Variants in ADIPOR2 observed in about 807,000 individuals in gnomAD.
The protein encoded by ADIPOR2 is adiponectin receptor 2.
ADIPOR2 carries 18 observed loss-of-function variants against 40.9 expected under a neutral mutation model. The ratio of observed to expected loss-of-function variants is 0.44; its 90% CI spans 0.30 to 0.65. The LOEUF is 0.65. Ranked by LOEUF, ADIPOR2 falls within the 30% of genes least tolerant of loss-of-function variation. The pLI is 0.09. For missense variants in ADIPOR2, 283 were observed against 479.2 expected (o/e 0.59, Z 3.82); for synonymous variants, 165 against 166.4 (o/e 0.99, Z 0.06).
intron 1 of ADIPOR2, among the ~76,000 whole-genome samples, chr12:1,726,870 C>T (rs747704107): frequency 1.3e-5 from 2 of 152,162 alleles, no homozygotes; most frequent in Non-Finnish European, 2.9e-5. Context: ...GAATTTGCTT[C>T]CCTTCTTTAT....
At chr12:1,775,501 T>G (rs984387069) in intron 3 of ADIPOR2, among the ~76,000 whole-genome samples, 1 of 152,200 alleles carries the variant, frequency 6.6e-6, no homozygotes, top group Non-Finnish European at 1.5e-5. Context: ...ATATAACCAA[T>G]AAGAAACTCA....
At chr12:1,694,212 G>A (rs920912497) in intron 1 of ADIPOR2, among the ~76,000 whole-genome samples, 1 of 152,222 alleles carries the variant, frequency 6.6e-6, no homozygotes, top group African/African-American at 2.4e-5. Context: ...GCTAGGATTT[G>A]ATTTCATGCA....
chr12:1,757,755 C>T (rs1862170863), intron 2 of ADIPOR2: 1 of 1,171,362 alleles, frequency 8.5e-7, no homozygotes. Flanking sequence ...TGATGACATC[C>T]ATGAATCCAG....
chr12:1,711,284 A>G (rs1485180915), intron 1 of ADIPOR2, among the ~76,000 whole-genome samples: 2 of 152,170 alleles, frequency 1.3e-5, no homozygotes, highest in Non-Finnish European at 2.9e-5. Context: ...ATAATGAAGT[A>G]GATAAATCTG....
intron 1 of ADIPOR2, among the ~76,000 whole-genome samples, chr12:1,705,680 G>C (rs1224867593): frequency 6.6e-6 from 1 of 152,150 alleles, no homozygotes; most frequent in Non-Finnish European, 1.5e-5. Flanking sequence ...AAAAACAATA[G>C]TCATTATTAT....
chr12:1,735,978 G>C (rs968718112), intron 1 of ADIPOR2, among the ~76,000 whole-genome samples: 2 of 152,192 alleles, frequency 1.3e-5, no homozygotes, highest in African/African-American at 2.4e-5. Flanking sequence ...TTTTTGATGT[G>C]CTGCTGGATT....
chr12:1,712,078 A>G (rs2082096740), intron 1 of ADIPOR2, among the ~76,000 whole-genome samples: 1 of 152,102 alleles, frequency 6.6e-6, no homozygotes, highest in Admixed American at 6.5e-5. Flanking sequence ...TTACATCACT[A>G]ACTATGGCAT....
At chr12:1,784,204 G>C in intron 7 of ADIPOR2, 131 bp downstream of exon 7, 1 of 1,022,382 alleles carries the variant, frequency 9.8e-7, no homozygotes, top group South Asian at 2.1e-5. Context: ...ACTCCCTATT[G>C]AGCTTTCTCT....
intron 1 of ADIPOR2, among the ~76,000 whole-genome samples, chr12:1,728,958 G>T (rs1339594925): frequency 8.5e-4 from 94 of 110,006 alleles, no homozygotes; most frequent in Middle Eastern, 5.6e-3. Context: ...GTTCTGGACT[G>T]TTTTTTTTTT....
intron 1 of ADIPOR2, among the ~76,000 whole-genome samples, chr12:1,734,901 T>G (rs989929761): frequency 2.6e-5 from 4 of 152,206 alleles, no homozygotes; most frequent in Non-Finnish European, 5.9e-5. Context: ...TTGTCAAAGA[T>G]CAGATAGTTG....
intron 2 of ADIPOR2, among the ~76,000 whole-genome samples, chr12:1,758,245 C>A (rs1254379507): frequency 6.6e-6 from 1 of 152,160 alleles, no homozygotes; most frequent in Non-Finnish European, 1.5e-5. Context: ...TGAATGAACT[C>A]ATTTATTGCC....
chr12:1,760,551 T>A (rs1451095921), intron 2 of ADIPOR2, among the ~76,000 whole-genome samples: 1 of 152,208 alleles, frequency 6.6e-6, no homozygotes, highest in Non-Finnish European at 1.5e-5. Context: ...TAATCTGGAC[T>A]TTTAAATAAA....
chr12:1,740,586 G>T (rs906034744), intron 1 of ADIPOR2, among the ~76,000 whole-genome samples: 2 of 152,180 alleles, frequency 1.3e-5, no homozygotes, highest in Non-Finnish European at 2.9e-5. Context: ...CTGGGGGTTA[G>T]GACTTAACAT....
At chr12:1,713,037 TGGA>T (rs1324518493) in intron 1 of ADIPOR2, among the ~76,000 whole-genome samples, 5 of 152,112 alleles carry the variant, frequency 3.3e-5, no homozygotes, top group Non-Finnish European at 2.9e-5. Flanking sequence ...CCAGAGTGCC[TGGA>T]CTTGAGAAGT....
intron 1 of ADIPOR2, among the ~76,000 whole-genome samples, chr12:1,736,400 C>T (rs2094730797): frequency 6.6e-6 from 1 of 152,208 alleles, no homozygotes; most frequent in African/African-American, 2.4e-5. Context: ...TTATAGTATT[C>T]TCTGATGGTA....
intron 1 of ADIPOR2, among the ~76,000 whole-genome samples, chr12:1,727,791 C>T (rs960066960): frequency 6.6e-6 from 1 of 151,998 alleles, no homozygotes; most frequent in Non-Finnish European, 1.5e-5. Context: ...GAAAGACCCC[C>T]AACATCTTCG....
At chr12:1,728,151 C>T (rs1019188788) in intron 1 of ADIPOR2, among the ~76,000 whole-genome samples, 16 of 151,258 alleles carry the variant, frequency 1.1e-4, no homozygotes, top group African/African-American at 1.5e-4. Flanking sequence ...TCGCTCTTGT[C>T]CCCCAGGCTG....
rs971401701 is a variant in ADIPOR2, at chr12:1,728,723, TA to T, written c.-86-25527del. 6.0e-5 allele frequency among the ~76,000 whole-genome samples: 9 copies of T among 151,228 alleles called. No homozygotes were observed. In the East Asian group the frequency reaches 1.6e-3, roughly 26 times the overall value. On this transcript the variant is annotated intron_variant, in intron 1 of 7. Transcript: ENST00000357103. Reference sequence around the variant, plus strand: ...TGGGCGACAGGGCAAGACTCCGTCTTAAAAAAAACAAAAATAAATAAATAAA... The same window carrying T: ...TGGGCGACAGGGCAAGACTCCGTCTTAAAAAAACAAAAATAAATAAATAAA...
chr12:1,726,911 A>G (rs938611607), intron 1 of ADIPOR2, among the ~76,000 whole-genome samples: 2 of 152,150 alleles, frequency 1.3e-5, no homozygotes, highest in Non-Finnish European at 2.9e-5. Flanking sequence ...TAGCATTGCT[A>G]TGTACCCAGC....
Sources: gnomAD v4.1 joint callset for allele counts (sites outside exome capture counted in the v4.1 genomes callset) on GRCh38, gnomAD v4.1.1 for gene constraint, MANE v1.5 for transcripts, NCBI Gene and HGNC (gene_info 2026-07-23, HGNC 2026-07-21) for gene names.